LRRC14: variants seen among roughly 807,000 people sequenced by gnomAD.
LRRC14 encodes leucine-rich repeat-containing protein 14.
A neutral mutation model predicts 25.3 loss-of-function variants in LRRC14; 16 were observed. The observed-to-expected ratio is 0.63, with a 90% CI of 0.43 to 0.96. The LOEUF (loss-of-function observed/expected upper bound fraction) is 0.96, where lower values mean the gene tolerates loss of function less well. Among genes scored for constraint, LRRC14 ranks in the 40% least tolerant of loss-of-function variants. The pLI, the probability that LRRC14 is intolerant of heterozygous loss-of-function variation, is 0.00. For missense variants in LRRC14, 594 were observed against 660.5 expected (o/e 0.90, Z 1.10); for synonymous variants, 359 against 295.1 (o/e 1.22, Z -2.22).
Position 144,524,018 on chromosome 8 carries a change from G to A in LRRC14, c.*2540G>A. 1 of 1,438,646 alleles carries A rather than the reference G, an allele frequency of 7.0e-7. No homozygotes were observed. The highest frequency in any genetic ancestry group is 9.4e-7 in the Non-Finnish European group (1 of 1,058,486). The allele number at this position is 1,438,646 out of a possible 1,614,324, so 89.1% of individuals were successfully genotyped here. ...GTGCAGCCTTCCAGACTGCTGCCCA[G>A]TTGCCTGATGTCAGAGCCCCTCCAC... On this transcript the variant is annotated 3_prime_UTR_variant, in exon 4 of 4. Transcript: ENST00000292524.
Position 144,520,463 on chromosome 8 carries a change from C to T in LRRC14, c.555C>T (p.Leu185=). The stretch of plus-strand genomic sequence containing the variant: ...CCTATGCGTTCCTGCGGGAGGCACT[C>T]CGAAGCAGCGTGGGCAGCCCGCTGC... ...RASYAFLREA[L]RSSVGSPLRL... The change falls in exon 3 of 4, where the codon CTC becomes CTT. Residue 185 remains leucine (L), a synonymous_variant. Coordinates refer to ENST00000292524, the MANE Select transcript of LRRC14 (RefSeq NM_014665.4). 6.3e-7 allele frequency: 1 copy of T among 1,597,326 alleles called. No homozygotes were observed.
At position 144,521,256 on chromosome 8, in the gene LRRC14, G is replaced by C; in HGVS notation, c.1260G>C (p.Gln420His). The C allele has an allele frequency of 1.2e-6, 2 of 1,613,204 alleles. No individual in the cohort carries two copies. The highest frequency in any genetic ancestry group is 1.7e-6 in the Non-Finnish European group (2 of 1,180,022). ...LKELLRDSVAQAELRTVVHPF... is the reference protein window; with the variant it reads ...LKELLRDSVAHAELRTVVHPF... Reference sequence around the variant, plus strand: ...AGCTGCTGCGGGACTCAGTGGCACAGGCTGAGCTGCGTACTGTGGTGCACC... The same window carrying C: ...AGCTGCTGCGGGACTCAGTGGCACACGCTGAGCTGCGTACTGTGGTGCACC... The change falls in exon 4 of 4, where the codon CAG (glutamine) becomes CAC (histidine). Residue 420 changes from glutamine (Q) to histidine (H), a missense_variant. Transcript: ENST00000292524.
chr8:144,524,246 G>C lies in LRRC14; in HGVS notation c.*2768G>C. The stretch of plus-strand genomic sequence containing the variant: ...GAGCCTGGTCCTCCAGCAGCTCAAT[G>C]CTGTTTTCTTGCAGGTGAAGCTCCT... On this transcript the variant is annotated 3_prime_UTR_variant, in exon 4 of 4. Coordinates refer to ENST00000292524, the MANE Select transcript of LRRC14 (RefSeq NM_014665.4). 6.2e-7 allele frequency: 1 copy of C among 1,612,554 alleles called. No homozygotes were observed. The highest frequency in any genetic ancestry group is 1.1e-5 in the South Asian group (1 of 91,084).
intron 1 of LRRC14, chr8:144,519,300 G>A: frequency 4.1e-6 from 1 of 245,496 alleles, no homozygotes; most frequent in East Asian, 9.2e-5. Context: ...ATGAAGGTTG[G>A]TGGGGAGAGT....
chr8:144,525,160 T>G lies in LRRC14; in HGVS notation c.*3682T>G. ...TCAAGAAACTAATAAAACGTTCTGGTTTTCTCCTTTGACAAAAACATTTTC... is the reference window on the plus strand; with the variant it reads ...TCAAGAAACTAATAAAACGTTCTGGGTTTCTCCTTTGACAAAAACATTTTC... On this transcript the variant is annotated 3_prime_UTR_variant, in exon 4 of 4. Transcript: ENST00000292524. The G allele has an allele frequency of 1.8e-6, 1 of 569,938 alleles. No homozygotes were observed. Among genetic ancestry groups the G allele is most frequent in the Non-Finnish European group, 2.7e-6 (1 of 373,776 alleles). The allele number at this position is 569,938 out of a possible 1,614,324, so 35.3% of individuals were successfully genotyped here.
Position 144,522,437 on chromosome 8 carries a change from C to T in LRRC14, c.*959C>T, listed in dbSNP as rs1470615619. Reference sequence around the variant, plus strand: ...GGAGCATGCGCGAGGCCGCACCGGCCAATCTCCGGCGCCCACGTCATCCGC... The same window carrying T: ...GGAGCATGCGCGAGGCCGCACCGGCTAATCTCCGGCGCCCACGTCATCCGC... On this transcript the variant is annotated 3_prime_UTR_variant, in exon 4 of 4. Coordinates refer to ENST00000292524, the MANE Select transcript of LRRC14 (RefSeq NM_014665.4). 60 of 1,387,880 alleles carry T rather than the reference C, an allele frequency of 4.3e-5. No homozygotes were observed. The highest frequency in any genetic ancestry group is 5.5e-5 in the Non-Finnish European group (59 of 1,079,698). The allele number at this position is 1,387,880 out of a possible 1,614,324, so 86.0% of individuals were successfully genotyped here.
chr8:144,520,389 GC>G lies in LRRC14; in HGVS notation c.486del (p.Ile163SerfsTer11). ...QQGGAAEPGP[A>X]PIPVEVRVDL... The stretch of plus-strand genomic sequence containing the variant: ...GGGTGGGGCCGCAGAGCCTGGGCCA[GC>G]CCCCATCCCCGTGGAGGTGCGCGTG... On this transcript the variant is annotated frameshift_variant, in exon 3 of 4. Transcript: ENST00000292524. LOFTEE classifies it high-confidence loss of function. 6.2e-7 allele frequency: 1 copy of G among 1,608,954 alleles called. No homozygotes were observed.
At position 144,523,841 on chromosome 8, in the gene LRRC14, T is replaced by C; in HGVS notation, c.*2363T>C. ...TGTCTCTCTCCTTTGCAATTTTGTC[T>C]GCCTCCCCTCAGCCTAAAAGTGTGC... is the stretch of plus-strand genomic sequence containing the variant. On this transcript the variant is annotated 3_prime_UTR_variant, in exon 4 of 4. Coordinates refer to ENST00000292524, the MANE Select transcript of LRRC14 (RefSeq NM_014665.4). 2.1e-6 allele frequency: 1 copy of C among 485,686 alleles called. No individual in the cohort carries two copies. 30.1% of individuals were successfully genotyped at this position (485,686 alleles called of 1,614,324 possible). A position where few individuals can be genotyped will look rare whatever the true frequency, so the allele number is the denominator to read the frequency against.
chr8:144,522,712 C>A lies in LRRC14; in HGVS notation c.*1234C>A. ...GCGCTCCCTCCCCCGGAGGCCCCCG[C>A]GCCTTTTTTCGCCTGCGGCGCCGGC... On this transcript the variant is annotated 3_prime_UTR_variant, in exon 4 of 4. Transcript: ENST00000292524. 1.3e-6 allele frequency: 2 copies of A among 1,595,224 alleles called. No homozygotes were observed. The highest frequency in any genetic ancestry group is 1.7e-6 in the Non-Finnish European group (2 of 1,172,078).
chr8:144,520,929 G>C lies in LRRC14; in HGVS notation c.933G>C (p.Leu311=). The C allele has an allele frequency of 6.2e-7, 1 of 1,611,616 alleles. No homozygotes were observed. The highest frequency in any genetic ancestry group is 8.5e-7 in the Non-Finnish European group (1 of 1,179,830). Residue 311 remains leucine (L), a synonymous_variant, in exon 4 of 4, where the codon CTG becomes CTC. Transcript: ENST00000292524. ...CCTGTAGCACCCTGCAGAGCCCCCT[G>C]GAGAGCCTGGAGTTGGCCTTCTGTG... ...DQLLSTLQSP[L]ESLELAFCAL... is the part of the protein sequence containing the mutation.
In LRRC14 at chr8:144,523,029, G is replaced by A; in HGVS notation, c.*1551G>A. The A allele has an allele frequency of 1.9e-6, 3 of 1,600,746 alleles. No individual in the cohort carries two copies. Among genetic ancestry groups the A allele is most frequent in the Non-Finnish European group, 2.6e-6 (3 of 1,175,810 alleles). Reference sequence around the variant, plus strand: ...GCCAGCGTGATGTTGCTGAGGAAGAGCATGCCGCTGCCCGTGTCGGATGCC... The same window carrying A: ...GCCAGCGTGATGTTGCTGAGGAAGAACATGCCGCTGCCCGTGTCGGATGCC... On this transcript the variant is annotated 3_prime_UTR_variant, in exon 4 of 4. Coordinates refer to ENST00000292524, the MANE Select transcript of LRRC14 (RefSeq NM_014665.4).
Position 144,524,820 on chromosome 8 carries a change from G to T in LRRC14, c.*3342G>T. On this transcript the variant is annotated 3_prime_UTR_variant, in exon 4 of 4. Transcript: ENST00000292524. The stretch of plus-strand genomic sequence containing the variant: ...GCAGCTCCACACGGTGCCCACCTGC[G>T]TCCCTGGCGGGATTCCCAGCGGGAC... 1 of 1,466,684 alleles carries T rather than the reference G, an allele frequency of 6.8e-7. No individual in the cohort carries two copies. The highest frequency in any genetic ancestry group is 2.6e-5 in the East Asian group (1 of 39,068). The allele number at this position is 1,466,684 out of a possible 1,614,324, so 90.9% of individuals were successfully genotyped here.
rs770474637 is a variant in LRRC14 at position 144,521,391 on chromosome 8, C to T, written c.1395C>T (p.His465=). Residue 465 remains histidine (H), a synonymous_variant, in exon 4 of 4, where the codon CAC becomes CAT. Transcript: ENST00000292524. ...TTGCCCGCGTAGAAGCTGAGTTGCA[C>T]CAGCTGCTTCTAGCCTCAGGCCGTG... is the stretch of plus-strand genomic sequence containing the variant. The part of the protein sequence containing the change: ...EKFARVEAEL[H]QLLLASGRAH... 6.2e-7 allele frequency: 1 copy of T among 1,612,090 alleles called. No homozygotes were observed. Among genetic ancestry groups the T allele is most frequent in the South Asian group, 1.1e-5 (1 of 91,090 alleles).
In LRRC14 at chr8:144,521,566, C is replaced by G. The variant is rs543145955; in HGVS notation, c.*88C>G. 1.5e-6 allele frequency: 2 copies of G among 1,308,608 alleles called. No individual in the cohort carries two copies. The highest frequency in any genetic ancestry group is 2.5e-5 in the East Asian group (1 of 40,160). 81.1% of individuals were successfully genotyped at this position (1,308,608 alleles called of 1,614,324 possible). ...CTGGGACCCCTGGTGGAGGCCTTCA[C>G]AAAAGCACTGGTTACTGGTTTCCTG... is the stretch of plus-strand genomic sequence containing the variant. On this transcript the variant is annotated 3_prime_UTR_variant, in exon 4 of 4. Transcript: ENST00000292524.
chr8:144,520,959 G>A lies in LRRC14; in HGVS notation c.963G>A (p.Leu321=). 1 of 1,612,990 alleles carries A rather than the reference G, an allele frequency of 6.2e-7. No homozygotes were observed. The change falls in exon 4 of 4, where the codon CTG becomes CTA. Residue 321 remains leucine (L), a synonymous_variant. Coordinates refer to ENST00000292524, the MANE Select transcript of LRRC14 (RefSeq NM_014665.4). ...LESLELAFCA[L]LPEDLRFLAR... ...GCCTGGAGTTGGCCTTCTGTGCTCT[G>A]CTGCCTGAGGACCTACGCTTCCTGG...
intron 1 of LRRC14, among the ~76,000 whole-genome samples, chr8:144,519,085 A>G (rs1430861225): frequency 6.6e-6 from 1 of 151,758 alleles, no homozygotes; most frequent in Non-Finnish European, 1.5e-5. Flanking sequence ...CTTGTATTTT[A>G]TAGGCTACAT....
rs762043996 is a variant in LRRC14 at position 144,520,873 on chromosome 8, C to T, written c.915-38C>T. 1.9e-6 allele frequency: 3 copies of T among 1,595,636 alleles called. No individual in the cohort carries two copies. The African/African-American group carries it at 4.0e-5, about 21-fold the overall frequency. ...CCCCTCCCTTCTGTAGGGACCCTCC[C>T]TGGCTCTGCCTGTCTGTGACCCCTG... On this transcript the variant is annotated intron_variant, in intron 3 of 3. Transcript: ENST00000292524.
chr8:144,521,459 C>T lies in LRRC14; in HGVS notation c.1463C>T (p.Ala488Val), dbSNP rs200093755. The change falls in exon 4 of 4, where the codon GCG becomes GTG. Residue 488 changes from alanine to valine, a missense_variant. By Grantham distance (64) the Ala-to-Val change is moderately conservative (BLOSUM62 0). Coordinates refer to ENST00000292524, the MANE Select transcript of LRRC14 (RefSeq NM_014665.4). ...WTTDIYGRLAADYFSL is the reference protein window; with the variant it reads ...WTTDIYGRLAVDYFSL Reference sequence around the variant, plus strand: ...ACGGACATCTACGGGCGACTGGCTGCGGACTACTTCAGCCTATGATGAAGT... The same window carrying T: ...ACGGACATCTACGGGCGACTGGCTGTGGACTACTTCAGCCTATGATGAAGT... 32 of 1,601,904 alleles carry T rather than the reference C, an allele frequency of 2.0e-5. No individual in the cohort carries two copies. Among genetic ancestry groups the T allele is most frequent in the African/African-American group, 1.2e-4 (9 of 75,022 alleles).
At position 144,521,165 on chromosome 8, in the gene LRRC14, C is replaced by G; in HGVS notation, c.1169C>G (p.Thr390Ser). The change falls in exon 4 of 4, where the codon ACT becomes AGT. Residue 390 changes from threonine (T) to serine (S), a missense_variant. Coordinates refer to ENST00000292524, the MANE Select transcript of LRRC14 (RefSeq NM_014665.4). ...CTGTTGGCCACACTACCCATCCTGACTCAGTGCGCCAGTCTCCGGTACCTT... is the reference window on the plus strand; with the variant it reads ...CTGTTGGCCACACTACCCATCCTGAGTCAGTGCGCCAGTCTCCGGTACCTT... The part of the protein sequence containing the change: ...TQLLATLPIL[T>S]QCASLRYLGL... The G allele has an allele frequency of 6.2e-7, 1 of 1,613,188 alleles. No homozygotes were observed. The highest frequency in any genetic ancestry group is 8.5e-7 in the Non-Finnish European group (1 of 1,180,040).
Sources: allele counts gnomAD v4.1 joint callset (sites outside exome capture counted in the v4.1 genomes callset), GRCh38; gene constraint gnomAD v4.1.1; transcripts MANE v1.5; gene names NCBI Gene and HGNC (gene_info 2026-07-23, HGNC 2026-07-21).